Variants in TLK1 observed in about 807,000 individuals in gnomAD.
TLK1 encodes serine/threonine-protein kinase tousled-like 1.
TLK1 carries 24 observed loss-of-function variants against 105.3 expected under a neutral mutation model. That is an observed-to-expected ratio of 0.23 (90% CI 0.17 to 0.32). The LOEUF is 0.32. TLK1 is among the 10% of genes least tolerant of loss of function. TLK1 has a pLI of 1.00. For missense variants in TLK1, 558 were observed against 910.5 expected (o/e 0.61, Z 4.98); for synonymous variants, 321 against 310.4 (o/e 1.03, Z -0.36).
At chr2:171,223,093 G>T (rs1693837875) in intron 1 of TLK1, among the ~76,000 whole-genome samples, 1 of 152,156 alleles carries the variant, frequency 6.6e-6, no homozygotes, top group East Asian at 1.9e-4. Flanking sequence ...GAAATTACAG[G>T]CATGAGCCAC....
chr2:171,226,668 G>A (rs1693904053), intron 1 of TLK1, among the ~76,000 whole-genome samples: 1 of 152,126 alleles, frequency 6.6e-6, no homozygotes, highest in South Asian at 2.1e-4. Flanking sequence ...GCATATGGTA[G>A]CTAAAAACTC....
At chr2:171,016,776 C>T (rs1685234625) in intron 12 of TLK1, among the ~76,000 whole-genome samples, 1 of 152,130 alleles carries the variant, frequency 6.6e-6, no homozygotes, top group South Asian at 2.1e-4. Context: ...AATTATATCT[C>T]TAAAGATTAT....
chr2:171,074,723 C>T (rs1185910921), intron 3 of TLK1, among the ~76,000 whole-genome samples: 1 of 151,034 alleles, frequency 6.6e-6, no homozygotes, highest in Non-Finnish European at 1.5e-5. Flanking sequence ...AACATACTAG[C>T]AGGAAGATAA....
intron 1 of TLK1, among the ~76,000 whole-genome samples, chr2:171,136,976 G>A (rs1025646767): frequency 5.9e-5 from 9 of 152,154 alleles, no homozygotes; most frequent in Non-Finnish European, 1.0e-4. Flanking sequence ...ATTGTCTATG[G>A]CTGCACTTTA....
intron 1 of TLK1, among the ~76,000 whole-genome samples, chr2:171,203,370 T>C (rs778017110): frequency 7.9e-5 from 12 of 152,158 alleles, no homozygotes; most frequent in Non-Finnish European, 1.6e-4. Context: ...CCCCAGCCCC[T>C]AGCAACCACC....
rs569367071 is a variant in TLK1, at chr2:171,099,267, CA to C, written c.259-16416del. 5.8e-3 allele frequency among the ~76,000 whole-genome samples: 886 copies of C among 151,956 alleles called. 7 individuals are homozygous for C. The highest frequency in any genetic ancestry group is 0.02 in the African/African-American group (849 of 41,476). The stretch of plus-strand genomic sequence containing the variant: ...AAGAAAACTTCATTTACAATACTAT[CA>C]AAAAAATAAAATACTTAGGAATAAA... On this transcript the variant is annotated intron_variant, in intron 2 of 20. Transcript: ENST00000431350.
At chr2:171,047,943 T>C (rs2105425596) in intron 10 of TLK1, among the ~76,000 whole-genome samples, 1 of 152,278 alleles carries the variant, frequency 6.6e-6, no homozygotes, top group Admixed American at 6.5e-5. Flanking sequence ...CAAGTAATTA[T>C]TTTCTTTTTT....
chr2:170,995,713 G>A (rs1684023666), intron 20 of TLK1, among the ~76,000 whole-genome samples: 1 of 152,058 alleles, frequency 6.6e-6, no homozygotes, highest in Non-Finnish European at 1.5e-5. Flanking sequence ...TATCTCTTTT[G>A]TTTTTTTGAG....
intron 1 of TLK1, among the ~76,000 whole-genome samples, chr2:171,149,050 G>A (rs1299376260): frequency 7.1e-6 from 1 of 141,410 alleles, no homozygotes; most frequent in Non-Finnish European, 1.5e-5. Context: ...ATATAATACT[G>A]TGGTAAATAT....
chr2:171,203,478 T>A (rs935425025), intron 1 of TLK1, among the ~76,000 whole-genome samples: 1 of 152,248 alleles, frequency 6.6e-6, no homozygotes, highest in Admixed American at 6.5e-5. Context: ...ATGTAATGTA[T>A]CATGTCCTTC....
At chr2:171,223,861 C>T (rs1693852520) in intron 1 of TLK1, among the ~76,000 whole-genome samples, 1 of 150,824 alleles carries the variant, frequency 6.6e-6, no homozygotes. Context: ...TTATTCATCG[C>T]TTGTTAGATG....
intron 1 of TLK1, among the ~76,000 whole-genome samples, chr2:171,147,567 G>C (rs538573783): frequency 6.6e-6 from 1 of 152,236 alleles, no homozygotes; most frequent in South Asian, 2.1e-4. Context: ...ACTATTATGT[G>C]TGGATATAAT....
At chr2:171,186,128 C>T (rs1444228190) in intron 1 of TLK1, among the ~76,000 whole-genome samples, 1 of 152,216 alleles carries the variant, frequency 6.6e-6, no homozygotes, top group Non-Finnish European at 1.5e-5. Context: ...GAATATGACT[C>T]AGGCTCTAAA....
chr2:171,049,178 T>G (rs931801171), intron 10 of TLK1, among the ~76,000 whole-genome samples: 1 of 152,188 alleles, frequency 6.6e-6, no homozygotes, highest in African/African-American at 2.4e-5. Context: ...CTGGGTACTA[T>G]GCTCACTACC....
At chr2:171,181,635 A>T (rs1322046103) in intron 1 of TLK1, among the ~76,000 whole-genome samples, 2 of 152,198 alleles carry the variant, frequency 1.3e-5, no homozygotes, top group Admixed American at 1.3e-4. Context: ...ACGTGGCAAG[A>T]AAGGAAGCAA....
chr2:171,156,419 A>T (rs1192286949), intron 1 of TLK1, among the ~76,000 whole-genome samples: 1 of 152,276 alleles, frequency 6.6e-6, no homozygotes, highest in Non-Finnish European at 1.5e-5. Flanking sequence ...CTAAAAGAGC[A>T]AATATTAGTA....
intron 12 of TLK1, among the ~76,000 whole-genome samples, chr2:171,016,194 C>T (rs762507098): frequency 1.1e-4 from 17 of 152,110 alleles, no homozygotes; most frequent in Non-Finnish European, 1.8e-4. Flanking sequence ...CAGGCTGGAG[C>T]GCAGTGGCAT....
Position 171,006,287 on chromosome 2 carries a change from GAATAA to G in TLK1, c.1769-10_1769-6del. 1.9e-6 allele frequency: 3 copies of G among 1,578,082 alleles called. No homozygotes were observed. Among genetic ancestry groups the G allele is most frequent in the Non-Finnish European group, 2.6e-6 (3 of 1,168,484 alleles). On this transcript the variant is annotated splice_region_variant and splice_polypyrimidine_tract_variant and intron_variant, in intron 17 of 20. Transcript: ENST00000431350. ...CATCTACCAGTAGGATGTTTCCTAAGAATAAAATATAAGATTCTTTTAATGATACA... is the reference window on the plus strand; with the variant it reads ...CATCTACCAGTAGGATGTTTCCTAAGAATATAAGATTCTTTTAATGATACA...
At chr2:171,190,419 A>C (rs1311176391) in intron 1 of TLK1, among the ~76,000 whole-genome samples, 1 of 152,236 alleles carries the variant, frequency 6.6e-6, no homozygotes, top group Admixed American at 6.5e-5. Context: ...GAGTGTCTTC[A>C]ATTCAAGGAG....
Sources: gnomAD v4.1 joint callset for allele counts (sites outside exome capture counted in the v4.1 genomes callset) on GRCh38, gnomAD v4.1.1 for gene constraint, MANE v1.5 for transcripts, NCBI Gene and HGNC (gene_info 2026-07-23, HGNC 2026-07-21) for gene names.